CDH12: variants seen among roughly 807,000 people sequenced by gnomAD.
The protein encoded by CDH12 is cadherin-12.
Under a neutral mutation model 74.1 loss-of-function variants are expected in CDH12, and 41 were observed. That is an observed-to-expected ratio of 0.55 (90% CI 0.43 to 0.72). CDH12 has a LOEUF of 0.72. Ranked by LOEUF, CDH12 falls within the 30% of genes least tolerant of loss-of-function variation. The pLI is 0.00. For missense variants in CDH12, 945 were observed against 977.2 expected, an observed-to-expected ratio of 0.97 and a Z score of 0.44; for synonymous variants, 399 against 355.0, an observed-to-expected ratio of 1.12 and a Z score of -1.39.
chr5:21,839,649 G>A (rs1749728910), intron 8 of CDH12, among the ~76,000 whole-genome samples: 1 of 151,982 alleles, frequency 6.6e-6, no homozygotes, highest in South Asian at 2.1e-4. Flanking sequence ...TATAGCCAAA[G>A]GAATAAATAA....
intron 1 of CDH12, among the ~76,000 whole-genome samples, chr5:22,723,804 T>C (rs961567814): frequency 6.6e-5 from 10 of 152,056 alleles, no homozygotes; most frequent in African/African-American, 2.4e-4. Context: ...AGTGATGGTG[T>C]CACTAATTTC....
intron 6 of CDH12, among the ~76,000 whole-genome samples, chr5:21,868,816 G>A (rs1045265730): frequency 6.6e-5 from 10 of 152,146 alleles, no homozygotes; most frequent in African/African-American, 1.2e-4. Context: ...GGACTTTGGA[G>A]TTGATGTTGG....
At chr5:22,106,676 G>A (rs886109654) in intron 4 of CDH12, among the ~76,000 whole-genome samples, 1 of 152,176 alleles carries the variant, frequency 6.6e-6, no homozygotes, top group Non-Finnish European at 1.5e-5. Context: ...CCAAGCCTGT[G>A]CATTCACCCT....
intron 1 of CDH12, among the ~76,000 whole-genome samples, chr5:22,792,593 G>A (rs1434465194): frequency 6.6e-6 from 1 of 152,018 alleles, no homozygotes; most frequent in Non-Finnish European, 1.5e-5. Flanking sequence ...TGTTATAATT[G>A]TAAAGTTACA....
intron 7 of CDH12, among the ~76,000 whole-genome samples, chr5:21,853,566 A>G (rs755976327): frequency 3.3e-5 from 5 of 151,582 alleles, no homozygotes; most frequent in Admixed American, 6.6e-5. Flanking sequence ...TTGCACCTCA[A>G]CTTTTGTTAA....
chr5:22,690,325 T>C (rs1050729219), intron 1 of CDH12, among the ~76,000 whole-genome samples: 21 of 152,164 alleles, frequency 1.4e-4, no homozygotes, highest in African/African-American at 5.1e-4. Flanking sequence ...TCTTCAACAT[T>C]ATCTATTCAC....
At chr5:22,570,427 G>A (rs1464084384) in intron 1 of CDH12, among the ~76,000 whole-genome samples, 2 of 152,006 alleles carry the variant, frequency 1.3e-5, no homozygotes, top group Non-Finnish European at 2.9e-5. Flanking sequence ...AGGATGCTGT[G>A]TTCACAGGTA....
intron 4 of CDH12, among the ~76,000 whole-genome samples, chr5:22,160,254 G>A (rs1270486903): frequency 6.6e-6 from 1 of 152,114 alleles, no homozygotes; most frequent in African/African-American, 2.4e-5. Flanking sequence ...AAAAAAACAA[G>A]ATAAAGCAAA....
chr5:22,483,748 CTATATA>C lies in CDH12; in HGVS notation c.-428+21516_-428+21521del, dbSNP rs573933210. On this transcript the variant is annotated intron_variant, in intron 2 of 14. Coordinates refer to ENST00000382254, the MANE Select transcript of CDH12 (RefSeq NM_004061.5). The stretch of plus-strand genomic sequence containing the variant: ...TAGCAAGGACCTGTCTCTTTCAAAA[CTATATA>C]TATATATATAAATTTAATTAATTGG... 8.8e-5 allele frequency among the ~76,000 whole-genome samples: 2 copies of C among 22,786 alleles called. 1 individual carries two copies. The highest frequency in any genetic ancestry group is 3.5e-4 in the African/African-American group (2 of 5,718). 14.9% of individuals were successfully genotyped at this position (22,786 alleles called of 152,430 possible). A position where few individuals can be genotyped will look rare whatever the true frequency, so the allele number is the denominator to read the frequency against.
intron 1 of CDH12, chr5:22,580,424 A>C (rs2652196): frequency 2.0e-6 from 1 of 505,332 alleles, no homozygotes; most frequent in Non-Finnish European, 4.1e-6. Context: ...CAGAAACATC[A>C]CCCTCCAAGT....
intron 1 of CDH12, among the ~76,000 whole-genome samples, chr5:22,548,933 TTTTG>T (rs1327921336): frequency 9.2e-5 from 14 of 151,782 alleles, no homozygotes; most frequent in African/African-American, 2.9e-4. Flanking sequence ...ATCCAGGGTT[TTTTG>T]TTTGTTTGTT....
intron 4 of CDH12, among the ~76,000 whole-genome samples, chr5:22,092,105 A>G (rs1342579277): frequency 6.6e-6 from 1 of 151,778 alleles, no homozygotes; most frequent in Non-Finnish European, 1.5e-5. Context: ...AATGACTTTT[A>G]TCCTCTACTG....
At chr5:22,091,323 G>A (rs916995185) in intron 4 of CDH12, among the ~76,000 whole-genome samples, 1 of 149,346 alleles carries the variant, frequency 6.7e-6, no homozygotes, top group African/African-American at 2.5e-5. Flanking sequence ...GAAACAGAGG[G>A]AGAGTGTTAG....
chr5:22,169,540 T>C (rs1428764214), intron 4 of CDH12, among the ~76,000 whole-genome samples: 1 of 151,926 alleles, frequency 6.6e-6, no homozygotes, highest in Non-Finnish European at 1.5e-5. Context: ...CAGTAAAGTC[T>C]CATTCTGAGA....
chr5:22,088,571 T>C (rs1303406688), intron 4 of CDH12, among the ~76,000 whole-genome samples: 1 of 152,108 alleles, frequency 6.6e-6, no homozygotes, highest in Non-Finnish European at 1.5e-5. Context: ...CAACTCCCAG[T>C]GTTGTTGCAT....
At chr5:21,909,651 A>G (rs1218039452) in intron 6 of CDH12, among the ~76,000 whole-genome samples, 1 of 152,138 alleles carries the variant, frequency 6.6e-6, no homozygotes, top group Non-Finnish European at 1.5e-5. Flanking sequence ...GCATTTCAAT[A>G]CTCTATTTTC....
At chr5:22,648,442 C>G (rs1398161256) in intron 1 of CDH12, among the ~76,000 whole-genome samples, 1 of 151,792 alleles carries the variant, frequency 6.6e-6, no homozygotes, top group African/African-American at 2.4e-5. Context: ...TCTGACTGAG[C>G]AACTTCACTC....
intron 8 of CDH12, among the ~76,000 whole-genome samples, chr5:21,831,718 T>C (rs1440372672): frequency 6.6e-6 from 1 of 151,554 alleles, no homozygotes; most frequent in African/African-American, 2.4e-5. Flanking sequence ...TCTCGGGGGA[T>C]TGTCAAAAGA....
chr5:21,896,184 C>CA (rs1753115570), intron 6 of CDH12, among the ~76,000 whole-genome samples: 1 of 151,830 alleles, frequency 6.6e-6, no homozygotes, highest in South Asian at 2.1e-4. Flanking sequence ...GAATTCATTC[C>CA]AAAAAAGAAA....
Sources: gnomAD v4.1 joint callset for allele counts (sites outside exome capture counted in the v4.1 genomes callset) on GRCh38, gnomAD v4.1.1 for gene constraint, MANE v1.5 for transcripts, NCBI Gene and HGNC (gene_info 2026-07-23, HGNC 2026-07-21) for gene names.